Variants in PACRG observed in about 807,000 individuals in gnomAD.
PACRG encodes parkin coregulated gene protein.
PACRG carries 29 observed loss-of-function variants against 29.7 expected under a neutral mutation model. The observed-to-expected ratio is 0.98, with a 90% confidence interval of 0.73 to 1.33. The LOEUF is 1.33. Among genes scored for constraint, PACRG ranks in the 40% most tolerant of loss-of-function variants. The pLI is 0.00. For missense variants in PACRG, 279 were observed against 316.2 expected (o/e 0.88, Z 0.89); for synonymous variants, 116 against 118.7 (o/e 0.98, Z 0.15).
At chr6:163,311,508 TC>T (rs1488566410) in intron 4 of PACRG, among the ~76,000 whole-genome samples, 2 of 152,230 alleles carry the variant, frequency 1.3e-5, no homozygotes, top group Non-Finnish European at 2.9e-5. Flanking sequence ...CATCTCAATT[TC>T]AGGCCCTCAA....
intron 1 of PACRG, among the ~76,000 whole-genome samples, chr6:162,774,979 A>G (rs530381973): frequency 6.6e-6 from 1 of 152,140 alleles, no homozygotes; most frequent in African/African-American, 2.4e-5. Context: ...TTACCCAACG[A>G]TGGCCTCAGT....
intron 2 of PACRG, among the ~76,000 whole-genome samples, chr6:163,049,343 C>G (rs954661170): frequency 6.6e-6 from 1 of 151,856 alleles, no homozygotes; most frequent in African/African-American, 2.4e-5. Context: ...GGAAAAGTTA[C>G]AAATAGACTA....
rs141235317 is a variant in PACRG, at chr6:162,935,328, T to C, written c.291+121047T>C. On this transcript the variant is annotated intron_variant, in intron 2 of 4. Coordinates refer to ENST00000366888, the MANE Select transcript of PACRG (RefSeq NM_001080379.2). ...TCTGGAACTCCCAAAATGCAAAACT[T>C]TTTTCACTTCGTGGTGTAGTGATGT... is the stretch of plus-strand genomic sequence containing the variant. Among the ~76,000 whole-genome samples, 1,366 of 152,090 alleles carry C rather than the reference T, an allele frequency of 9.0e-3. 15 individuals carry two copies. Among genetic ancestry groups the C allele is most frequent in the African/African-American group, 0.024 (990 of 41,534 alleles).
At chr6:163,011,348 G>A (rs1174911432) in intron 2 of PACRG, among the ~76,000 whole-genome samples, 35 of 152,210 alleles carry the variant, frequency 2.3e-4, no homozygotes, top group Non-Finnish European at 7.3e-5. Flanking sequence ...AACCCCTACA[G>A]CAAGTGATCG....
At chr6:163,147,950 C>G (rs1295035636) in intron 4 of PACRG, among the ~76,000 whole-genome samples, 1 of 152,144 alleles carries the variant, frequency 6.6e-6, no homozygotes, top group African/African-American at 2.4e-5. Context: ...CCTTTCAATC[C>G]TCCGTGCTGC....
intron 4 of PACRG, among the ~76,000 whole-genome samples, chr6:163,269,388 G>T (rs566317931): frequency 1.3e-5 from 2 of 152,202 alleles, no homozygotes; most frequent in South Asian, 4.1e-4. Context: ...GGCTGAAAAT[G>T]TTTGGAGATG....
intron 4 of PACRG, among the ~76,000 whole-genome samples, chr6:163,160,238 C>G (rs550287780): frequency 5.3e-5 from 8 of 152,250 alleles, no homozygotes; most frequent in African/African-American, 1.7e-4. Flanking sequence ...AAAGATTCTA[C>G]AGCCATTTTA....
chr6:162,978,279 A>G (rs1042075530), intron 2 of PACRG, among the ~76,000 whole-genome samples: 2 of 152,266 alleles, frequency 1.3e-5, no homozygotes, highest in Non-Finnish European at 2.9e-5. Context: ...TAGATATTTA[A>G]AAGAACAGAT....
At chr6:162,830,334 C>T (rs1421463949) in intron 2 of PACRG, among the ~76,000 whole-genome samples, 2 of 152,128 alleles carry the variant, frequency 1.3e-5, no homozygotes, top group Non-Finnish European at 2.9e-5. Context: ...GTGACCCTGA[C>T]CTGCCCCTAC....
At chr6:163,115,781 T>C (rs1470740575) in intron 4 of PACRG, among the ~76,000 whole-genome samples, 3 of 152,182 alleles carry the variant, frequency 2.0e-5, no homozygotes, top group Non-Finnish European at 4.4e-5. Context: ...GTCCACACTC[T>C]GGAGAGACCA....
At chr6:162,936,099 C>T (rs1426332569) in intron 2 of PACRG, among the ~76,000 whole-genome samples, 1 of 152,122 alleles carries the variant, frequency 6.6e-6, no homozygotes, top group African/African-American at 2.4e-5. Context: ...ATGACAGCTG[C>T]AAGAGAGAGA....
chr6:162,969,888 A>G (rs371069792), intron 2 of PACRG, among the ~76,000 whole-genome samples: 3 of 152,314 alleles, frequency 2.0e-5, no homozygotes, highest in East Asian at 3.9e-4. Context: ...TTTGCCGCCA[A>G]TTGCCACTGT....
chr6:162,818,675 G>A (rs1787565350), intron 2 of PACRG, among the ~76,000 whole-genome samples: 2 of 152,102 alleles, frequency 1.3e-5, no homozygotes, highest in Non-Finnish European at 2.9e-5. Flanking sequence ...CTACATAAAG[G>A]TGTCTCTAAA....
chr6:163,308,665 C>CAAAAA (rs34275762), intron 4 of PACRG, among the ~76,000 whole-genome samples: 1 of 131,452 alleles, frequency 7.6e-6, no homozygotes, highest in African/African-American at 2.6e-5. Flanking sequence ...GGCTCCGTCT[C>CAAAAA]AAAAAAAAAA....
In PACRG at chr6:162,816,610, C is replaced by T. The variant is rs539153275; in HGVS notation, c.291+2329C>T. Reference sequence around the variant, plus strand: ...CTCGTGATCCGCCTGTCTCAGCTTCCCAAAGTGCTGGGATTACAGGCGTGA... The same window carrying T: ...CTCGTGATCCGCCTGTCTCAGCTTCTCAAAGTGCTGGGATTACAGGCGTGA... On this transcript the variant is annotated intron_variant, in intron 2 of 4. Coordinates refer to ENST00000366888, the MANE Select transcript of PACRG (RefSeq NM_001080379.2). 2.0e-3 allele frequency among the ~76,000 whole-genome samples: 311 copies of T among 152,232 alleles called. 1 individual carries two copies. The highest frequency in any genetic ancestry group is 3.5e-3 in the Non-Finnish European group (241 of 68,022).
At chr6:163,101,750 T>C (rs1047697821) in intron 4 of PACRG, among the ~76,000 whole-genome samples, 4 of 152,168 alleles carry the variant, frequency 2.6e-5, no homozygotes, top group African/African-American at 4.8e-5. Flanking sequence ...GTGTGGAACA[T>C]GAGGCCTTCC....
intron 4 of PACRG, among the ~76,000 whole-genome samples, chr6:163,175,900 T>G (rs556405741): frequency 8.9e-4 from 136 of 152,334 alleles, no homozygotes; most frequent in African/African-American, 3.2e-3. Flanking sequence ...CAATTTTGTA[T>G]TTCCAATCTC....
chr6:163,314,441 G>A (rs562062659), intron 4 of PACRG, among the ~76,000 whole-genome samples: 5 of 152,220 alleles, frequency 3.3e-5, no homozygotes, highest in East Asian at 1.9e-4. Context: ...TAAATCACAC[G>A]GAACGAACAG....
chr6:163,025,358 C>T lies in PACRG; in HGVS notation c.292-36792C>T, dbSNP rs145832124. 4.1e-3 allele frequency among the ~76,000 whole-genome samples: 617 copies of T among 152,206 alleles called. 6 individuals carry two copies. Among genetic ancestry groups the T allele is most frequent in the African/African-American group, 0.015 (605 of 41,524 alleles). On this transcript the variant is annotated intron_variant, in intron 2 of 4. Transcript: ENST00000366888. ...AATCATAAAGACTCTGCTAAAAGGC[C>T]CCTAGAATTGATAAACAACTTTAGT... is the stretch of plus-strand genomic sequence containing the variant.
Sources: allele counts gnomAD v4.1 joint callset (sites outside exome capture counted in the v4.1 genomes callset), GRCh38; gene constraint gnomAD v4.1.1; transcripts MANE v1.5; gene names NCBI Gene and HGNC (gene_info 2026-07-23, HGNC 2026-07-21).